The following DNAAF1 variants were observed in gnomAD, a reference collection of about 807,000 sequenced individuals.
DNAAF1 encodes dynein assembly factor 1, axonemal.
Under a neutral mutation model 71.1 loss-of-function variants are expected in DNAAF1, and 65 were observed. That is an observed-to-expected ratio of 0.91 (90% confidence interval 0.75 to 1.12). The LOEUF (loss-of-function observed/expected upper bound fraction) is 1.12. Among genes scored for constraint, DNAAF1 ranks in the 50% most tolerant of loss-of-function variants. The probability of loss-of-function intolerance (pLI) is 0.00; values close to 1 mark genes in which losing one functional copy is unlikely to be tolerated. For missense variants in DNAAF1, 1,178 were observed against 899.8 expected, an observed-to-expected ratio of 1.31 and a Z score of -3.96; for synonymous variants, 414 against 354.6, an observed-to-expected ratio of 1.17 and a Z score of -1.88.
At chr16:84,167,499 C>G (rs1269887081) in intron 7 of DNAAF1, among the ~76,000 whole-genome samples, 1 of 152,160 alleles carries the variant, frequency 6.6e-6, no homozygotes, top group Non-Finnish European at 1.5e-5. Context: ...GCCACCCCAC[C>G]CCCAAGAGCC....
chr16:84,145,409 G>A lies in DNAAF1; in HGVS notation c.-32G>A. 1.9e-6 allele frequency: 3 copies of A among 1,570,960 alleles called. No homozygotes were observed. Among genetic ancestry groups the A allele is most frequent in the Non-Finnish European group, 2.6e-6 (3 of 1,158,294 alleles). On this transcript the variant is annotated 5_prime_UTR_variant, in exon 1 of 12. Transcript: ENST00000378553. Reference sequence around the variant, plus strand: ...CCGCCGCGAACCTGGGCCCCCCAAAGCTGCGGGGCGTTCGGTGTCGCCGAA... The same window carrying A: ...CCGCCGCGAACCTGGGCCCCCCAAAACTGCGGGGCGTTCGGTGTCGCCGAA...
chr16:84,165,945 G>C lies in DNAAF1; in HGVS notation c.1026G>C (p.Glu342Asp). The C allele has an allele frequency of 6.2e-7, 1 of 1,612,476 alleles. No individual in the cohort carries two copies. Among genetic ancestry groups the C allele is most frequent in the South Asian group, 1.1e-5 (1 of 91,044 alleles). Reference sequence around the variant, plus strand: ...GGAAAAGACAGAGAGAGAGTCAAGAGAGAGGTATGCGCTCGGCCGAAGACA... The same window carrying C: ...GGAAAAGACAGAGAGAGAGTCAAGACAGAGGTATGCGCTCGGCCGAAGACA... ...EERKRQRESQERGEMTSSDDG... is the reference protein window; with the variant it reads ...EERKRQRESQDRGEMTSSDDG... Residue 342 changes from glutamate (E) to aspartate (D), a missense_variant, in exon 7 of 12, where the codon GAG becomes GAC. Glu to Asp is a conservative substitution (Grantham distance 45, BLOSUM62 2). Coordinates refer to ENST00000378553, the MANE Select transcript of DNAAF1 (RefSeq NM_178452.6).
chr16:84,155,701 G>A lies in DNAAF1; in HGVS notation c.693G>A (p.Lys231=). The A allele has an allele frequency of 6.2e-7, 1 of 1,614,148 alleles. No individual in the cohort carries two copies. The highest frequency in any genetic ancestry group is 8.5e-7 in the Non-Finnish European group (1 of 1,180,040). Residue 231 remains lysine (K), a synonymous_variant, in exon 5 of 12, where the codon AAG becomes AAA. Coordinates refer to ENST00000378553, the MANE Select transcript of DNAAF1 (RefSeq NM_178452.6). ...RLCVLDLSHN[K]LSDPEILSIL... ...GTGTCCTTGACCTTTCGCACAACAA[G>A]CTGAGTGACCCGGAGATCCTGAGCA... is the stretch of plus-strand genomic sequence containing the variant.
In DNAAF1 at chr16:84,165,953, T is replaced by C. The variant is rs778913258; in HGVS notation, c.1030+4T>C. 32 of 1,611,764 alleles carry C rather than the reference T, an allele frequency of 2.0e-5. No individual in the cohort carries two copies. The highest frequency in any genetic ancestry group is 2.5e-5 in the Non-Finnish European group (30 of 1,179,582). ...CAGAGAGAGAGTCAAGAGAGAGGTA[T>C]GCGCTCGGCCGAAGACAACAGCCCC... On this transcript the variant is annotated splice_donor_region_variant and intron_variant, in intron 7 of 11. Coordinates refer to ENST00000378553, the MANE Select transcript of DNAAF1 (RefSeq NM_178452.6).
At chr16:84,159,189 C>G in intron 5 of DNAAF1, 5 of 1,001,008 alleles carry the variant, frequency 5.0e-6, no homozygotes, top group Non-Finnish European at 6.0e-6. Context: ...GAAGGGCCGT[C>G]CATCCTGCGG....
At position 84,176,231 on chromosome 16, in the gene DNAAF1, A is replaced by G. The variant is rs904187792; in HGVS notation, c.1997A>G (p.Gln666Arg). ...SGQLLMPPTC[Q>R]RDAAPLTSSG... ...CAGCTACTGATGCCCCCCACCTGCCAAAGAGATGCTGCACCACTCACTTCC... is the reference window on the plus strand; with the variant it reads ...CAGCTACTGATGCCCCCCACCTGCCGAAGAGATGCTGCACCACTCACTTCC... Residue 666 changes from glutamine (Q) to arginine (R), a missense_variant, in exon 11 of 12, where the codon CAA (glutamine) becomes CGA (arginine). Physicochemically the swap from Gln to Arg is conservative, Grantham distance 43. Coordinates refer to ENST00000378553, the MANE Select transcript of DNAAF1 (RefSeq NM_178452.6). 1 of 1,613,750 alleles carries G rather than the reference A, an allele frequency of 6.2e-7. No individual in the cohort carries two copies. Among genetic ancestry groups the G allele is most frequent in the African/African-American group, 1.3e-5 (1 of 75,046 alleles).
chr16:84,172,579 G>A (rs1477219350), intron 9 of DNAAF1: 1 of 1,398,256 alleles, frequency 7.2e-7, no homozygotes, highest in Non-Finnish European at 9.3e-7. Context: ...TTCATGCACT[G>A]CCCTAGGTGA....
chr16:84,177,422 C>A (rs1283497631), intron 11 of DNAAF1: 5 of 371,146 alleles, frequency 1.3e-5, no homozygotes, highest in South Asian at 4.2e-5. Context: ...ATTACAGGCA[C>A]CCGTCAAGGG....
Position 84,175,965 on chromosome 16 carries a change from G to A in DNAAF1, c.1731G>A (p.Ser577=), listed in dbSNP as rs759159646. The change falls in exon 11 of 12, where the codon TCG becomes TCA. Residue 577 remains serine, a synonymous_variant. Transcript: ENST00000378553. ...NMCFPKIEVI[S]SLSDDSDPEL... ...GCTTTCCGAAGATTGAGGTCATCTC[G>A]AGCTTGAGTGATGACAGTGACCCTG... 23 of 1,613,960 alleles carry A rather than the reference G, an allele frequency of 1.4e-5. No homozygotes were observed. Among genetic ancestry groups the A allele is most frequent in the Admixed American group, 5.0e-5 (3 of 60,000 alleles).
Position 84,157,490 on chromosome 16 carries a change from G to T in DNAAF1, c.741+1741G>T, listed in dbSNP as rs2087494898. On this transcript the variant is annotated intron_variant, in intron 5 of 11. Transcript: ENST00000378553. ...GCCGAGATCTCACCACTGCACTCCA[G>T]ACAGAATGAGACACTGTGTCAAAAA... is the stretch of plus-strand genomic sequence containing the variant. Among the ~76,000 whole-genome samples the T allele has an allele frequency of 4.2e-5, 6 of 141,984 alleles. No homozygotes were observed. In the South Asian group the frequency reaches 1.4e-3, roughly 32 times the overall value. 93.1% of individuals were successfully genotyped at this position (141,984 alleles called of 152,430 possible). A position where few individuals can be genotyped will look rare whatever the true frequency, so the allele number is the denominator to read the frequency against.
chr16:84,146,424 A>C (rs2086912327), intron 1 of DNAAF1, among the ~76,000 whole-genome samples: 1 of 152,064 alleles, frequency 6.6e-6, no homozygotes, highest in African/African-American at 2.4e-5. Context: ...GACTTGAAAG[A>C]TAACCTTCAT....
intron 7 of DNAAF1, among the ~76,000 whole-genome samples, chr16:84,169,557 C>T (rs983693514): frequency 6.6e-6 from 1 of 151,956 alleles, no homozygotes; most frequent in Non-Finnish European, 1.5e-5. Flanking sequence ...GTAGCTGGGG[C>T]TACAGGCACG....
At position 84,155,612 on chromosome 16, in the gene DNAAF1, A is replaced by G. The variant is rs150672056; in HGVS notation, c.604A>G (p.Met202Val). 255 of 1,614,052 alleles carry G rather than the reference A, an allele frequency of 1.6e-4. No homozygotes were observed. The highest frequency in any genetic ancestry group is 2.3e-4 in the Admixed American group (14 of 59,994). The change falls in exon 5 of 12, where the codon ATG (methionine) becomes GTG (valine). Residue 202 changes from methionine (M) to valine (V), a missense_variant. Transcript: ENST00000378553. ...SCLPVLNTLQMAHNHLETVED... is the reference protein window; with the variant it reads ...SCLPVLNTLQVAHNHLETVED... ...CCTCCCAGTCCTGAACACATTGCAGATGGCCCACAATCACCTGGAGACCGT... is the reference window on the plus strand; with the variant it reads ...CCTCCCAGTCCTGAACACATTGCAGGTGGCCCACAATCACCTGGAGACCGT...
intron 4 of DNAAF1, 119 bp downstream of exon 4, chr16:84,154,917 GT>G (rs562973413): frequency 2.1e-4 from 193 of 902,494 alleles, no homozygotes; most frequent in African/African-American, 4.8e-4. Context: ...TCTTTTTTTT[GT>G]TTTTTTTTGA....
At chr16:84,152,682 G>A (rs964394075) in intron 3 of DNAAF1, among the ~76,000 whole-genome samples, 2 of 151,024 alleles carry the variant, frequency 1.3e-5, no homozygotes, top group African/African-American at 4.9e-5. Context: ...GGCTGGGCGC[G>A]GTGGCTCACA....
At chr16:84,155,803 T>TATTTTC in intron 5 of DNAAF1, 54 bp downstream of exon 5, 1 of 1,599,134 alleles carries the variant, frequency 6.3e-7, no homozygotes, top group South Asian at 1.1e-5. Flanking sequence ...CCGCTTCTAT[T>TATTTTC]ATTTTCATCA....
chr16:84,159,725 CAGA>C lies in DNAAF1; in HGVS notation c.795_797del (p.Arg266del). The stretch of plus-strand genomic sequence containing the variant: ...CGGTTATCAGACAGATTCCTAATTA[CAGA>C]AGGACAGTCACTGTACGACTAAAGC... On this transcript the variant is annotated inframe_deletion, in exon 6 of 12. Transcript: ENST00000378553. 6.2e-7 allele frequency: 1 copy of C among 1,613,998 alleles called. No individual in the cohort carries two copies. The highest frequency in any genetic ancestry group is 1.3e-5 in the African/African-American group (1 of 75,026).
At chr16:84,155,493 G>T (rs1009366980) in intron 4 of DNAAF1, 90 bp from the exon 5 acceptor site, 1 of 1,431,460 alleles carries the variant, frequency 7.0e-7, no homozygotes, top group Non-Finnish European at 9.8e-7. Flanking sequence ...GCCTTCCAAA[G>T]TGCTGGGATT....
intron 7 of DNAAF1, among the ~76,000 whole-genome samples, chr16:84,167,316 A>T (rs916548506): frequency 3.9e-5 from 6 of 152,176 alleles, no homozygotes; most frequent in African/African-American, 1.4e-4. Flanking sequence ...AGGTAACTCC[A>T]GTGTTCAGCA....
Sources: allele counts gnomAD v4.1 joint callset (sites outside exome capture counted in the v4.1 genomes callset), GRCh38; gene constraint gnomAD v4.1.1; transcripts MANE v1.5; gene names NCBI Gene and HGNC (gene_info 2026-07-23, HGNC 2026-07-21).